Variants in CNTNAP4 observed in about 807,000 individuals in gnomAD.
The protein encoded by CNTNAP4 is contactin associated protein family member 4.
CNTNAP4 carries 98 observed loss-of-function variants against 148.4 expected under a neutral mutation model. The observed-to-expected ratio is 0.66, with a 90% CI of 0.56 to 0.78. The LOEUF (loss-of-function observed/expected upper bound fraction) is 0.78, where lower values mean the gene tolerates loss of function less well. CNTNAP4 is among the 30% of genes least tolerant of loss of function. CNTNAP4 has a pLI of 0.00. For missense variants in CNTNAP4, 1,935 were observed against 1,565.6 expected (o/e 1.24, Z -3.98); for synonymous variants, 730 against 565.1 (o/e 1.29, Z -4.14).
chr16:76,328,653 T>G (rs1597210361), intron 2 of CNTNAP4, among the ~76,000 whole-genome samples: 1 of 151,002 alleles, frequency 6.6e-6, no homozygotes, highest in South Asian at 2.1e-4. Context: ...TAAGGTGTGT[T>G]TTTTTTTTTG....
chr16:76,430,523 T>G (rs1257312643), intron 4 of CNTNAP4, among the ~76,000 whole-genome samples: 2 of 152,212 alleles, frequency 1.3e-5, no homozygotes, highest in Middle Eastern at 3.4e-3. Flanking sequence ...TCTCCCGAAA[T>G]CCCTATTAAA....
Position 76,521,121 on chromosome 16 carries a change from T to G in CNTNAP4, c.2366-19T>G. On this transcript the variant is annotated intron_variant, in intron 15 of 23. Transcript: ENST00000611870. ...TTTTCTTTCTGAATTTTTTTTTCTT[T>G]TTTTTTTTCACAAAACAGGATCATT... The G allele has an allele frequency of 2.6e-6, 4 of 1,551,574 alleles. No individual in the cohort carries two copies. The highest frequency in any genetic ancestry group is 3.5e-6 in the Non-Finnish European group (4 of 1,156,730).
At chr16:76,342,879 A>G (rs1251169650) in intron 2 of CNTNAP4, among the ~76,000 whole-genome samples, 1 of 152,230 alleles carries the variant, frequency 6.6e-6, no homozygotes, top group African/African-American at 2.4e-5. Flanking sequence ...AACGTAATTC[A>G]TGCTAGTAAT....
At chr16:76,452,827 G>C in intron 8 of CNTNAP4, 58 bp downstream of exon 8, 1 of 1,437,384 alleles carries the variant, frequency 7.0e-7, no homozygotes, top group African/African-American at 1.4e-5. Context: ...CATTATCTCT[G>C]TGGCCAAATT....
At chr16:76,487,939 G>A (rs1002605450) in intron 12 of CNTNAP4, among the ~76,000 whole-genome samples, 7 of 152,124 alleles carry the variant, frequency 4.6e-5, no homozygotes, top group Admixed American at 2.6e-4. Flanking sequence ...GATCCAGAAG[G>A]GAAAGAGACA....
rs556493031 is a variant in CNTNAP4 at position 76,494,982 on chromosome 16, A to C, written c.2153A>C (p.Asp718Ala). Residue 718 changes from aspartate (D) to alanine (A), a missense_variant, in exon 14 of 24, where the codon GAT becomes GCT. Physicochemically the swap from Asp to Ala is moderately radical, Grantham distance 126. Transcript: ENST00000611870. ...TQTYWGGSSP[D>A]LQKCTCGLEG... ...ACCTACTGGGGAGGTTCTTCGCCTG[A>C]TCTTCAAAAATGTACTTGTGGATTA... The C allele has an allele frequency of 6.2e-7, 1 of 1,613,658 alleles. No homozygotes were observed. The highest frequency in any genetic ancestry group is 2.2e-5 in the East Asian group (1 of 44,840).
intron 2 of CNTNAP4, among the ~76,000 whole-genome samples, chr16:76,350,290 A>G (rs1965262937): frequency 6.6e-6 from 1 of 152,176 alleles, no homozygotes; most frequent in African/African-American, 2.4e-5. Flanking sequence ...ACCTGCACTA[A>G]AGTATTTGCA....
At chr16:76,417,313 A>G (rs924057771) in intron 3 of CNTNAP4, among the ~76,000 whole-genome samples, 1 of 151,266 alleles carries the variant, frequency 6.6e-6, no homozygotes. Flanking sequence ...TCTGATTTTA[A>G]TTGAAAATTT....
At chr16:76,389,226 G>A (rs1051977864) in intron 3 of CNTNAP4, among the ~76,000 whole-genome samples, 5 of 152,134 alleles carry the variant, frequency 3.3e-5, no homozygotes, top group African/African-American at 1.2e-4. Flanking sequence ...CAATGCAAAT[G>A]GTTCCATTTG....
intron 17 of CNTNAP4, among the ~76,000 whole-genome samples, chr16:76,526,948 A>T (rs1368761682): frequency 2.0e-5 from 3 of 152,166 alleles, no homozygotes; most frequent in Non-Finnish European, 4.4e-5. Flanking sequence ...TGCTGGGATT[A>T]CAGGTGTGAG....
At chr16:76,409,619 A>T (rs562297317) in intron 3 of CNTNAP4, among the ~76,000 whole-genome samples, 174 of 152,138 alleles carry the variant, frequency 1.1e-3, no homozygotes, top group African/African-American at 4.1e-3. Flanking sequence ...TAAAGAAATT[A>T]AAACTATTTT....
rs572268385 is a variant in CNTNAP4, at chr16:76,392,514, A to G, written c.391-34938A>G. ...TTACTTCATTATATATATTTTTTTC[A>G]AGAAGACAATGTAAGACTACTCTGA... On this transcript the variant is annotated intron_variant, in intron 3 of 23. Transcript: ENST00000611870. Among the ~76,000 whole-genome samples the G allele has an allele frequency of 1.4e-4, 21 of 152,268 alleles. No homozygotes were observed. In the East Asian group the frequency reaches 4.1e-3, roughly 29 times the overall value.
intron 2 of CNTNAP4, among the ~76,000 whole-genome samples, chr16:76,322,421 T>C (rs1567699432): frequency 6.6e-6 from 1 of 152,232 alleles, no homozygotes; most frequent in African/African-American, 2.4e-5. Context: ...TTCTTCTCTT[T>C]CGTATTCTTT....
At chr16:76,317,389 C>T (rs143151436) in intron 2 of CNTNAP4, among the ~76,000 whole-genome samples, 169 of 151,402 alleles carry the variant, frequency 1.1e-3, no homozygotes, top group African/African-American at 4.0e-3. Context: ...TAAATGGCAC[C>T]TTGCTGTAGA....
At chr16:76,337,946 G>A (rs1163427690) in intron 2 of CNTNAP4, among the ~76,000 whole-genome samples, 1 of 152,182 alleles carries the variant, frequency 6.6e-6, no homozygotes, top group African/African-American at 2.4e-5. Flanking sequence ...GAAGATCGCT[G>A]TTGTTCTATT....
At chr16:76,449,990 G>A in intron 7 of CNTNAP4, 132 bp downstream of exon 7, 1 of 690,286 alleles carries the variant, frequency 1.4e-6, no homozygotes, top group Non-Finnish European at 2.3e-6. Flanking sequence ...TTCTTTGATT[G>A]GCAATATGCA....
chr16:76,484,394 C>T (rs755876974), intron 12 of CNTNAP4, among the ~76,000 whole-genome samples: 2 of 151,132 alleles, frequency 1.3e-5, no homozygotes, highest in Non-Finnish European at 2.9e-5. Context: ...TTTAAAGCCA[C>T]GTGGATAGCA....
chr16:76,548,233 T>C (rs1379750508), intron 21 of CNTNAP4, among the ~76,000 whole-genome samples: 1 of 151,794 alleles, frequency 6.6e-6, no homozygotes, highest in African/African-American at 2.4e-5. Flanking sequence ...CCTGGTGGAA[T>C]TGCATAAAAT....
intron 17 of CNTNAP4, among the ~76,000 whole-genome samples, chr16:76,522,765 TC>T (rs1458118026): frequency 6.8e-5 from 7 of 103,470 alleles, no homozygotes; most frequent in South Asian, 6.1e-4. Flanking sequence ...TCTTTTCTTT[TC>T]TTTTCTTTTC....
Sources: allele counts gnomAD v4.1 joint callset (sites outside exome capture counted in the v4.1 genomes callset), GRCh38; gene constraint gnomAD v4.1.1; transcripts MANE v1.5; gene names NCBI Gene and HGNC (gene_info 2026-07-23, HGNC 2026-07-21).